Variants in CTNNA3 observed in about 807,000 individuals in gnomAD.
CTNNA3 encodes catenin alpha 3.
Under a neutral mutation model 95.7 loss-of-function variants are expected in CTNNA3, and 76 were observed. That is an observed-to-expected ratio of 0.79 (90% CI 0.66 to 0.96). CTNNA3 has a LOEUF of 0.96. Ranked by LOEUF, CTNNA3 falls within the 40% of genes least tolerant of loss-of-function variation. CTNNA3 has a pLI of 0.00. For missense variants in CTNNA3, 1,191 were observed against 1,089.8 expected, an observed-to-expected ratio of 1.09 and a Z score of -1.31; for synonymous variants, 431 against 374.4, an observed-to-expected ratio of 1.15 and a Z score of -1.74.
intron 5 of CTNNA3, among the ~76,000 whole-genome samples, chr10:67,510,646 C>A (rs1304021643): frequency 6.6e-6 from 1 of 152,088 alleles, no homozygotes; most frequent in East Asian, 1.9e-4. Context: ...CAGTTTTGTT[C>A]TTTTTGCTTA....
At chr10:66,282,123 A>G (rs2132163566) in intron 12 of CTNNA3, among the ~76,000 whole-genome samples, 1 of 151,968 alleles carries the variant, frequency 6.6e-6, no homozygotes. Context: ...GATAACAGAA[A>G]CTTCTATTGG....
At chr10:66,254,336 G>A (rs1319158410) in intron 13 of CTNNA3, among the ~76,000 whole-genome samples, 1 of 152,096 alleles carries the variant, frequency 6.6e-6, no homozygotes. Flanking sequence ...ATAGATCTCT[G>A]GAATGTATGC....
intron 1 of CTNNA3, among the ~76,000 whole-genome samples, chr10:67,753,309 A>G (rs1251913971): frequency 6.6e-6 from 1 of 152,200 alleles, no homozygotes; most frequent in African/African-American, 2.4e-5. Flanking sequence ...TATAATTCAT[A>G]CAAAAATTAA....
At chr10:67,262,215 C>T (rs1158042558) in intron 5 of CTNNA3, among the ~76,000 whole-genome samples, 1 of 152,080 alleles carries the variant, frequency 6.6e-6, no homozygotes, top group Non-Finnish European at 1.5e-5. Flanking sequence ...ACTATATTGG[C>T]ATTCAAGTAA....
At chr10:66,131,323 A>T (rs1039587378) in intron 13 of CTNNA3, among the ~76,000 whole-genome samples, 4 of 152,170 alleles carry the variant, frequency 2.6e-5, no homozygotes, top group Non-Finnish European at 5.9e-5. Context: ...CCTCAACAAA[A>T]TACCAGCAAA....
intron 7 of CTNNA3, among the ~76,000 whole-genome samples, chr10:66,973,289 C>A (rs1181080677): frequency 6.6e-6 from 1 of 152,006 alleles, no homozygotes; most frequent in African/African-American, 2.4e-5. Flanking sequence ...AGAAAATTGA[C>A]AATTAGAAGA....
At chr10:66,778,486 A>G (rs2132835486) in intron 7 of CTNNA3, among the ~76,000 whole-genome samples, 1 of 152,294 alleles carries the variant, frequency 6.6e-6, no homozygotes, top group South Asian at 2.1e-4. Context: ...CCGAGTGCTC[A>G]GAAAAGAGAC....
chr10:66,222,247 C>A (rs1057102022), intron 13 of CTNNA3, among the ~76,000 whole-genome samples: 3 of 151,882 alleles, frequency 2.0e-5, no homozygotes, highest in Non-Finnish European at 4.4e-5. Flanking sequence ...TCATATTTTG[C>A]AGTAATCTTA....
intron 1 of CTNNA3, among the ~76,000 whole-genome samples, chr10:67,661,136 T>C (rs1472911623): frequency 6.6e-6 from 1 of 151,982 alleles, no homozygotes; most frequent in African/African-American, 2.4e-5. Flanking sequence ...TATGTATGTA[T>C]TTAAACTTTG....
chr10:66,100,102 A>T (rs2081558360), intron 14 of CTNNA3, among the ~76,000 whole-genome samples: 1 of 152,154 alleles, frequency 6.6e-6, no homozygotes, highest in African/African-American at 2.4e-5. Context: ...TTGGAAATAG[A>T]TATTAGTAAA....
In CTNNA3 at chr10:66,404,916, G is replaced by T. The variant is rs1158498919; in HGVS notation, c.1532-25564C>A. Among the ~76,000 whole-genome samples the T allele has an allele frequency of 5.3e-5, 8 of 152,146 alleles. No homozygotes were observed. In the South Asian group the frequency reaches 1.7e-3, roughly 31 times the overall value. On this transcript the variant is annotated intron_variant, in intron 11 of 17. Transcript: ENST00000433211. ...TTAGATCCATGAAAAATGGTTAGGG[G>T]CAGAACATTCCAAAGAGAGGGGAGA...
intron 7 of CTNNA3, among the ~76,000 whole-genome samples, chr10:67,035,078 T>A (rs1853964990): frequency 6.6e-6 from 1 of 152,220 alleles, no homozygotes; most frequent in South Asian, 2.1e-4. Flanking sequence ...TAGCTCCGCA[T>A]AGCCCAATCT....
chr10:67,144,095 TTG>T (rs1193703034), intron 7 of CTNNA3, among the ~76,000 whole-genome samples: 19 of 152,248 alleles, frequency 1.2e-4, no homozygotes, highest in Non-Finnish European at 7.3e-5. Flanking sequence ...ATTTATTTCT[TTG>T]TGCATCTCCA....
chr10:66,451,829 C>T lies in CTNNA3; in HGVS notation c.1531+68788G>A, dbSNP rs149618174. 9.4e-4 allele frequency among the ~76,000 whole-genome samples: 143 copies of T among 152,278 alleles called. 2 individuals are homozygous for T. The East Asian group carries it at 0.026, about 28-fold the overall frequency. On this transcript the variant is annotated intron_variant, in intron 11 of 17. Coordinates refer to ENST00000433211, the MANE Select transcript of CTNNA3 (RefSeq NM_013266.4). ...CTTTTACCATGTCATAAAGCAAATG[C>T]TAACTCCTACTTCCTAAGCATCCCG...
intron 7 of CTNNA3, among the ~76,000 whole-genome samples, chr10:66,891,734 C>T (rs1168949816): frequency 2.6e-5 from 4 of 152,232 alleles, no homozygotes; most frequent in South Asian, 2.1e-4. Flanking sequence ...TTTAAAACTA[C>T]GGAATGTTTT....
intron 5 of CTNNA3, among the ~76,000 whole-genome samples, chr10:67,238,240 C>G (rs567050526): frequency 6.6e-6 from 1 of 152,154 alleles, no homozygotes; most frequent in Admixed American, 6.5e-5. Context: ...ATGTGAAACA[C>G]CAGCTCACAG....
At chr10:66,162,755 G>A (rs887351613) in intron 13 of CTNNA3, among the ~76,000 whole-genome samples, 2 of 152,078 alleles carry the variant, frequency 1.3e-5, no homozygotes, top group African/African-American at 2.4e-5. Flanking sequence ...ACTGACAGTG[G>A]TGGGGCTCTA....
chr10:67,477,072 T>A (rs138678205), intron 5 of CTNNA3, among the ~76,000 whole-genome samples: 30 of 152,208 alleles, frequency 2.0e-4, no homozygotes, highest in Middle Eastern at 3.4e-3. Context: ...CAACCCTTCC[T>A]GTGCAGAGAC....
chr10:66,375,617 C>G (rs561146022), intron 12 of CTNNA3, among the ~76,000 whole-genome samples: 1 of 150,686 alleles, frequency 6.6e-6, no homozygotes, highest in East Asian at 2.0e-4. Context: ...TTTAATCAAG[C>G]TACAAAATGC....
Sources: allele counts gnomAD v4.1 joint callset (sites outside exome capture counted in the v4.1 genomes callset), GRCh38; gene constraint gnomAD v4.1.1; transcripts MANE v1.5; gene names NCBI Gene and HGNC (gene_info 2026-07-23, HGNC 2026-07-21).